Variants in RAPH1 observed in about 807,000 individuals in gnomAD.
The protein encoded by RAPH1 is Ras association (RalGDS/AF-6) and pleckstrin homology domains 1.
Under a neutral mutation model 88.1 loss-of-function variants are expected in RAPH1, and 18 were observed. The ratio of observed to expected loss-of-function variants is 0.20; its 90% CI spans 0.14 to 0.30. The LOEUF (loss-of-function observed/expected upper bound fraction) is 0.30. RAPH1 is among the 10% of genes least tolerant of loss of function. The pLI is 1.00. For synonymous variants in RAPH1, 587 were observed against 559.0 expected, an observed-to-expected ratio of 1.05 and a Z score of -0.71; for missense variants, 1,448 against 1,543.2, an observed-to-expected ratio of 0.94 and a Z score of 1.03.
Position 203,434,790 on chromosome 2 carries a change from C to T in RAPH1, c.*4647G>A, listed in dbSNP as rs1438931557. On this transcript the variant is annotated 3_prime_UTR_variant, in exon 14 of 14. Transcript: ENST00000319170. ...TAAACATAATTAATTCTCAACTTAA[C>T]CATCTATAAAATATGTAGTGTTCAC... 6.6e-6 allele frequency: 1 copy of T among 152,434 alleles called. No homozygotes were observed. Among genetic ancestry groups the T allele is most frequent in the Non-Finnish European group, 1.5e-5 (1 of 68,028 alleles). 9.4% of individuals were successfully genotyped at this position (152,434 alleles called of 1,614,324 possible).
At position 203,448,003 on chromosome 2, in the gene RAPH1, G is replaced by C; in HGVS notation, c.1589C>G (p.Ser530Cys). 1 of 1,613,946 alleles carries C rather than the reference G, an allele frequency of 6.2e-7. No individual in the cohort carries two copies. The highest frequency in any genetic ancestry group is 8.5e-7 in the Non-Finnish European group (1 of 1,179,884). ...GGATCCCGATTTAATGCTGGAGCTG[G>C]ATAAGGAAGTCCAATCATAGGCTGA... is the stretch of plus-strand genomic sequence containing the variant. ...TESAYDWTSL[S>C]SSSIKSGSSS... Residue 530 changes from serine to cysteine, a missense_variant, in exon 12 of 14, where the codon TCC (serine) becomes TGC (cysteine). Physicochemically the swap from Ser to Cys is moderately radical, Grantham distance 112. Around this residue, in one of 2 missense-constraint regions of RAPH1, gnomAD observed 513 missense variants for 653.1 expected, o/e 0.79. Coordinates refer to ENST00000319170, the MANE Select transcript of RAPH1 (RefSeq NM_213589.3). The surrounding 1 kb of genome is among the most constrained non-coding windows in gnomAD (Gnocchi z 4.1).
At position 203,437,209 on chromosome 2, in the gene RAPH1, T is replaced by C. The variant is rs992085890; in HGVS notation, c.*2228A>G. The stretch of plus-strand genomic sequence containing the variant: ...AAAGGCTGTTGTTTTAGGGCTCAAA[T>C]CATGGGTGAAAAAAGGTTAGCGGGT... On this transcript the variant is annotated 3_prime_UTR_variant, in exon 14 of 14. Coordinates refer to ENST00000319170, the MANE Select transcript of RAPH1 (RefSeq NM_213589.3). 6.6e-6 allele frequency: 1 copy of C among 152,138 alleles called. No individual in the cohort carries two copies. The highest frequency in any genetic ancestry group is 2.4e-5 in the African/African-American group (1 of 41,430). 9.4% of individuals were successfully genotyped at this position (152,138 alleles called of 1,614,324 possible).
chr2:203,523,899 G>A (rs899008418), intron 1 of RAPH1, among the ~76,000 whole-genome samples: 2 of 152,286 alleles, frequency 1.3e-5, no homozygotes, highest in East Asian at 3.9e-4. Context: ...AGCTACTCGG[G>A]AGGCTGGGGC....
intron 13 of RAPH1, chr2:203,443,428 G>T (rs2098506085): frequency 1.3e-5 from 2 of 152,084 alleles, no homozygotes; most frequent in African/African-American, 4.8e-5. Context: ...TCTGATAGAA[G>T]GCCATGATGT....
Position 203,439,133 on chromosome 2 carries a change from C to A in RAPH1, c.*304G>T, listed in dbSNP as rs550158851. 34 of 284,168 alleles carry A rather than the reference C, an allele frequency of 1.2e-4. No individual in the cohort carries two copies. The highest frequency in any genetic ancestry group is 7.0e-4 in the African/African-American group (33 of 47,366). The allele number at this position is 284,168 out of a possible 1,614,324, so 17.6% of individuals were successfully genotyped here. The stretch of plus-strand genomic sequence containing the variant: ...AAATCTTAAGAGACAACACACATCC[C>A]CTTCTATGCCTCTTCCACCCAAAAT... On this transcript the variant is annotated 3_prime_UTR_variant, in exon 14 of 14. Coordinates refer to ENST00000319170, the MANE Select transcript of RAPH1 (RefSeq NM_213589.3).
At chr2:203,485,401 A>T (rs1400095473) in intron 4 of RAPH1, among the ~76,000 whole-genome samples, 1 of 119,730 alleles carries the variant, frequency 8.4e-6, no homozygotes, top group Non-Finnish European at 1.7e-5. Flanking sequence ...ACAGAGTGAG[A>T]CTCTGTCTCA....
intron 1 of RAPH1, among the ~76,000 whole-genome samples, chr2:203,506,863 T>TATATATATATATATATAG (rs1689091353): frequency 1.1e-5 from 1 of 88,960 alleles, no homozygotes; most frequent in Non-Finnish European, 2.1e-5. Context: ...TATCTATATA[T>TATATATATATATATATAG]ATATATATAT....
intron 4 of RAPH1, among the ~76,000 whole-genome samples, chr2:203,476,394 C>G (rs1042277696): frequency 2.6e-5 from 4 of 152,110 alleles, no homozygotes; most frequent in Admixed American, 1.3e-4. Context: ...TGGTCTTGAA[C>G]TCCTGGCCTC....
At chr2:203,515,120 C>T (rs1378026348) in intron 1 of RAPH1, among the ~76,000 whole-genome samples, 2 of 152,082 alleles carry the variant, frequency 1.3e-5, no homozygotes, top group Non-Finnish European at 2.9e-5. Flanking sequence ...GTATCATCTC[C>T]ATCCATTATA....
At chr2:203,512,363 A>AC (rs900024937) in intron 1 of RAPH1, among the ~76,000 whole-genome samples, 1 of 151,080 alleles carries the variant, frequency 6.6e-6, no homozygotes, top group African/African-American at 2.4e-5. Context: ...CTCAAAAAAA[A>AC]AAAAAAAACC....
At chr2:203,529,473 T>C (rs1357765772) in intron 1 of RAPH1, among the ~76,000 whole-genome samples, 1 of 152,184 alleles carries the variant, frequency 6.6e-6, no homozygotes, top group Non-Finnish European at 1.5e-5. Flanking sequence ...GCAATTCTCC[T>C]GCCTCAGCCT....
chr2:203,491,640 T>C (rs1688273909), intron 2 of RAPH1, among the ~76,000 whole-genome samples: 1 of 152,118 alleles, frequency 6.6e-6, no homozygotes, highest in South Asian at 2.1e-4. Flanking sequence ...CCCGAGTAGT[T>C]GGGACCATAG....
intron 1 of RAPH1, among the ~76,000 whole-genome samples, chr2:203,508,392 C>CA (rs1689188333): frequency 6.6e-6 from 1 of 151,990 alleles, no homozygotes; most frequent in African/African-American, 2.4e-5. Flanking sequence ...CTCGGCCTCC[C>CA]AAAGTGTTGG....
intron 4 of RAPH1, among the ~76,000 whole-genome samples, chr2:203,484,430 T>C (rs186266884): frequency 4.6e-5 from 7 of 152,314 alleles, no homozygotes; most frequent in Admixed American, 4.6e-4. Context: ...CTCTGGCCTC[T>C]ACCCACTAGA....
rs79162292 is a variant in RAPH1, at chr2:203,499,857, A to G, written c.1-4504T>C. Among the ~76,000 whole-genome samples the G allele has an allele frequency of 1.6e-4, 24 of 152,340 alleles. No individual in the cohort carries two copies. In the East Asian group the frequency reaches 4.4e-3, roughly 28 times the overall value. ...ATGAACCTTATTCTCCAATTCCCCA[A>G]TACAGCTTAATTTCCACTAACCATA... On this transcript the variant is annotated intron_variant, in intron 1 of 13. Coordinates refer to ENST00000319170, the MANE Select transcript of RAPH1 (RefSeq NM_213589.3).
At chr2:203,518,993 A>C (rs1689746037) in intron 1 of RAPH1, among the ~76,000 whole-genome samples, 2 of 152,242 alleles carry the variant, frequency 1.3e-5, no homozygotes, top group African/African-American at 4.8e-5. Context: ...CCTACTAAAG[A>C]AACTCCATCA....
At chr2:203,451,285 C>G (rs976841211) in intron 10 of RAPH1, among the ~76,000 whole-genome samples, 1 of 152,140 alleles carries the variant, frequency 6.6e-6, no homozygotes, top group Non-Finnish European at 1.5e-5. Context: ...TAAATACTCA[C>G]AAAACCTCTC....
At chr2:203,527,677 G>A (rs1330451627) in intron 1 of RAPH1, among the ~76,000 whole-genome samples, 2 of 151,736 alleles carry the variant, frequency 1.3e-5, no homozygotes, top group Admixed American at 6.6e-5. Flanking sequence ...GCGCATGCCT[G>A]TATTCCCAGC....
chr2:203,523,309 C>T (rs1033462096), intron 1 of RAPH1, among the ~76,000 whole-genome samples: 15 of 150,310 alleles, frequency 1.0e-4, no homozygotes, highest in South Asian at 2.1e-4. Context: ...AGGAGAATGG[C>T]GTGAATACGG....
Sources: gnomAD v4.1 joint callset for allele counts (sites outside exome capture counted in the v4.1 genomes callset) on GRCh38, gnomAD v4.1.1 for gene constraint, gnomAD v4.1.1 regional missense constraint, Gnocchi (gnomAD v3.1) non-coding constraint, MANE v1.5 for transcripts, NCBI Gene and HGNC (gene_info 2026-07-23, HGNC 2026-07-21) for gene names.